The following ETV4 variants were observed in gnomAD, a reference collection of about 807,000 sequenced individuals.
The protein encoded by ETV4 is ETS variant transcription factor 4.
ETV4 carries 42 observed loss-of-function variants against 65.9 expected under a neutral mutation model. The observed-to-expected ratio is 0.64, with a 90% CI of 0.50 to 0.82. The LOEUF is 0.82. Ranked by LOEUF, ETV4 falls within the 40% of genes least tolerant of loss-of-function variation. ETV4 has a pLI of 0.00. For synonymous variants in ETV4, 238 were observed against 260.0 expected (o/e 0.92, Z 0.81); for missense variants, 583 against 630.3 (o/e 0.92, Z 0.80).
rs201929762 is a variant in ETV4 at position 43,529,524 on chromosome 17, T to C, written c.1108A>G (p.Lys370Glu). ...CCCACCTCCTCAGGCTCAATGAGCT[T>C]GAACTCCATTCCCCGGCCCGTCCAG... is the stretch of plus-strand genomic sequence containing the variant. The part of the protein sequence containing the change: ...IAWTGRGMEF[K>E]LIEPEEVARL... Residue 370 changes from lysine to glutamate, a missense_variant, in exon 11 of 13, where the codon AAG (lysine) becomes GAG (glutamate). Coordinates refer to ENST00000319349, the MANE Select transcript of ETV4 (RefSeq NM_001079675.5). 7 of 1,613,030 alleles carry C rather than the reference T, an allele frequency of 4.3e-6. No individual in the cohort carries two copies. The highest frequency in any genetic ancestry group is 5.9e-6 in the Non-Finnish European group (7 of 1,179,542).
chr17:43,545,194 CGTGTGTGT>C (rs34640745), intron 3 of ETV4, 72 bp downstream of exon 3: 356 of 636,778 alleles, frequency 5.6e-4, no homozygotes, highest in African/African-American at 2.4e-3. Flanking sequence ...CAGAATCGGC[CGTGTGTGT>C]GTGTGTGTGT....
intron 4 of ETV4, chr17:43,544,460 C>T (rs1971695270): frequency 6.5e-6 from 1 of 153,196 alleles, no homozygotes; most frequent in African/African-American, 2.4e-5. Flanking sequence ...ATTATTTAAA[C>T]TTTTGTTGTT....
chr17:43,545,934 CGTGTGTGTGTGTGTGTGT>C (rs531139204), intron 1 of ETV4: 22 of 263,306 alleles, frequency 8.4e-5, no homozygotes, highest in Admixed American at 2.0e-4. Context: ...TACATAAGAA[CGTGTGTGTGTGTGTGTGT>C]GTGTGTGTGT....
In ETV4 at chr17:43,529,562, G is replaced by A; in HGVS notation, c.1070C>T (p.Ala357Val). The change falls in exon 11 of 13, where the codon GCC (alanine) becomes GTC (valine). Residue 357 changes from alanine (A) to valine (V), a missense_variant. Physicochemically the swap from Ala to Val is moderately conservative, Grantham distance 64. Transcript: ENST00000319349. ...LVALLDDPTNAHFIAWTGRGM... is the reference protein window; with the variant it reads ...LVALLDDPTNVHFIAWTGRGM... ...CCGGCCCGTCCAGGCAATGAAATGGGCATTTGTTGGGTCATCCAGCAAGGC... is the reference window on the plus strand; with the variant it reads ...CCGGCCCGTCCAGGCAATGAAATGGACATTTGTTGGGTCATCCAGCAAGGC... The A allele has an allele frequency of 1.9e-6, 3 of 1,614,062 alleles. No individual in the cohort carries two copies. Among genetic ancestry groups the A allele is most frequent in the Non-Finnish European group, 2.5e-6 (3 of 1,180,016 alleles).
At position 43,545,010 on chromosome 17, in the gene ETV4, T is replaced by C. The variant is rs1200203223; in HGVS notation, c.167A>G (p.Asp56Gly). Reference sequence around the variant, plus strand: ...CCACGTCTCCTGGAAGTGACTTAGATCCTGGAAGAGATCTGAGGGGTAAAT... The same window carrying C: ...CCACGTCTCCTGGAAGTGACTTAGACCCTGGAAGAGATCTGAGGGGTAAAT... The part of the protein sequence containing the change: ...PPLDSEDLFQ[D>G]LSHFQETWLA... Residue 56 changes from aspartate to glycine, a missense_variant, in exon 4 of 13, where the codon GAT becomes GGT. By Grantham distance (94) the Asp-to-Gly change is moderately conservative. Coordinates refer to ENST00000319349, the MANE Select transcript of ETV4 (RefSeq NM_001079675.5). 2.5e-6 allele frequency: 4 copies of C among 1,613,828 alleles called. No homozygotes were observed. In the South Asian group the frequency reaches 4.4e-5, roughly 18 times the overall value.
intron 5 of ETV4, 157 bp downstream of exon 5, chr17:43,536,269 A>G (rs904887593): frequency 5.6e-6 from 4 of 709,870 alleles, no homozygotes; most frequent in Non-Finnish European, 1.0e-5. Flanking sequence ...CCAGATTTCA[A>G]CCAAGGTTTT....
chr17:43,543,562 C>T (rs1323784863), intron 4 of ETV4, among the ~76,000 whole-genome samples: 1 of 152,146 alleles, frequency 6.6e-6, no homozygotes, highest in Non-Finnish European at 1.5e-5. Context: ...AGAGAGAAAT[C>T]AGGCACTGGG....
chr17:43,543,588 G>C (rs1158523335), intron 4 of ETV4, among the ~76,000 whole-genome samples: 1 of 152,150 alleles, frequency 6.6e-6, no homozygotes, highest in Non-Finnish European at 1.5e-5. Context: ...AAGTCTTTGA[G>C]AGCCCACGGA....
chr17:43,544,579 T>C (rs1176074503), intron 4 of ETV4: 1 of 174,418 alleles, frequency 5.7e-6, no homozygotes, highest in Non-Finnish European at 1.2e-5. Flanking sequence ...GACAAATTAA[T>C]TTCTCCCCCC....
At chr17:43,544,591 C>A (rs1971703166) in intron 4 of ETV4, 1 of 178,556 alleles carries the variant, frequency 5.6e-6, no homozygotes, top group Non-Finnish European at 1.2e-5. Context: ...TCTCCCCCCA[C>A]CCCCCACCAA....
chr17:43,545,448 C>T, intron 2 of ETV4, 81 bp from the exon 3 acceptor site: 1 of 1,377,828 alleles, frequency 7.3e-7, no homozygotes, highest in Non-Finnish European at 9.7e-7. Context: ...TCGGGTGACT[C>T]AGGGGCGGGG....
chr17:43,529,349 C>A, intron 11 of ETV4, 113 bp from the exon 12 acceptor site: 1 of 1,397,586 alleles, frequency 7.2e-7, no homozygotes, highest in Non-Finnish European at 1.0e-6. Flanking sequence ...GCTAGCTCTG[C>A]AACAAAGCAT....
At chr17:43,530,405 C>T in intron 8 of ETV4, 1 of 1,421,002 alleles carries the variant, frequency 7.0e-7, no homozygotes, top group Non-Finnish European at 9.2e-7. Flanking sequence ...CGGCTGAGGC[C>T]ATGGAAGGCA....
Position 43,530,948 on chromosome 17 carries a change from G to C in ETV4, c.812-767C>G, listed in dbSNP as rs532520947. 1.3e-3 allele frequency among the ~76,000 whole-genome samples: 197 copies of C among 152,218 alleles called. 1 individual carries two copies. Among genetic ancestry groups the C allele is most frequent in the African/African-American group, 4.6e-3 (190 of 41,534 alleles). Reference sequence around the variant, plus strand: ...TGAATGGAATTCCTGACTCCATTCAGGAGTAGCTGGGGGGAGGGGCAGGAG... The same window carrying C: ...TGAATGGAATTCCTGACTCCATTCACGAGTAGCTGGGGGGAGGGGCAGGAG... On this transcript the variant is annotated intron_variant, in intron 8 of 12. Transcript: ENST00000319349.
chr17:43,542,717 C>T (rs1198817825), intron 4 of ETV4, among the ~76,000 whole-genome samples: 1 of 152,226 alleles, frequency 6.6e-6, no homozygotes, highest in East Asian at 1.9e-4. Flanking sequence ...TGCAACCACA[C>T]TGGAATCTTC....
intron 6 of ETV4, 95 bp downstream of exon 6, chr17:43,533,764 T>G: frequency 6.8e-7 from 1 of 1,479,450 alleles, no homozygotes; most frequent in Non-Finnish European, 9.1e-7. Flanking sequence ...TTGTCTAACT[T>G]GCATCTCAGC....
chr17:43,532,509 A>G (rs991838097), intron 8 of ETV4, among the ~76,000 whole-genome samples, 165 bp downstream of exon 8: 1 of 152,062 alleles, frequency 6.6e-6, no homozygotes, highest in Non-Finnish European at 1.5e-5. Flanking sequence ...AAAAAAAAAG[A>G]AAAAGAAAGA....
chr17:43,545,921 G>T, intron 1 of ETV4: 1 of 522,448 alleles, frequency 1.9e-6, no homozygotes, highest in Non-Finnish European at 3.5e-6. Context: ...ACCCGGGCTC[G>T]GTTACATAAG....
chr17:43,530,520 A>G (rs539119288), intron 8 of ETV4: 2 of 1,043,716 alleles, frequency 1.9e-6, no homozygotes, highest in Non-Finnish European at 2.5e-6. Flanking sequence ...ACGTCCGGGG[A>G]AAGAGTTCGG....
Sources: allele counts gnomAD v4.1 joint callset (sites outside exome capture counted in the v4.1 genomes callset), GRCh38; gene constraint gnomAD v4.1.1; transcripts MANE v1.5; gene names NCBI Gene and HGNC (gene_info 2026-07-23, HGNC 2026-07-21).